Variants in STK32B observed in about 807,000 individuals in gnomAD.
The protein encoded by STK32B is serine/threonine kinase 32B.
In STK32B, 43 loss-of-function variants were observed where a neutral mutation model predicts 52.6. The observed-to-expected ratio is 0.82, with a 90% CI of 0.64 to 1.05. The LOEUF (loss-of-function observed/expected upper bound fraction) is 1.05, where lower values mean the gene tolerates loss of function less well. Among genes scored for constraint, STK32B ranks in the 50% least tolerant of loss-of-function variants. The pLI, the probability that STK32B is intolerant of heterozygous loss-of-function variation, is 0.00. For missense variants in STK32B, 621 were observed against 534.6 expected, an observed-to-expected ratio of 1.16 and a Z score of -1.59; for synonymous variants, 238 against 204.3, an observed-to-expected ratio of 1.17 and a Z score of -1.41.
chr4:5,498,062 A>AGG (rs1720441460), intron 11 of STK32B, among the ~76,000 whole-genome samples: 1 of 152,162 alleles, frequency 6.6e-6, no homozygotes, highest in South Asian at 2.1e-4. Context: ...GTTTTACATA[A>AGG]GAAAGCTGAG....
At chr4:5,199,143 A>G (rs1254312136) in intron 3 of STK32B, among the ~76,000 whole-genome samples, 1 of 152,136 alleles carries the variant, frequency 6.6e-6, no homozygotes, top group Non-Finnish European at 1.5e-5. Flanking sequence ...CAGATTGGTG[A>G]CCGAGGCTGC....
intron 11 of STK32B, among the ~76,000 whole-genome samples, chr4:5,480,430 A>G (rs772052580): frequency 1.3e-5 from 2 of 152,206 alleles, no homozygotes; most frequent in Non-Finnish European, 2.9e-5. Context: ...TCAGAAAGGC[A>G]GGACAACTCA....
At chr4:5,326,087 A>G (rs185450311) in intron 3 of STK32B, among the ~76,000 whole-genome samples, 8 of 152,292 alleles carry the variant, frequency 5.3e-5, no homozygotes, top group Non-Finnish European at 1.0e-4. Context: ...CCAGTATGCA[A>G]GTTTCCCTCT....
At position 5,288,224 on chromosome 4, in the gene STK32B, G is replaced by A. The variant is rs780433647; in HGVS notation, c.261-42996G>A. Among the ~76,000 whole-genome samples the A allele has an allele frequency of 5.3e-5, 8 of 152,120 alleles. No individual in the cohort carries two copies. In the South Asian group the frequency reaches 1.2e-3, roughly 24 times the overall value. ...ATATTTGGTCCAGGTTTTTGTGTGGGCATGTTTTTCACTTCTCTTAGGTAT... is the reference window on the plus strand; with the variant it reads ...ATATTTGGTCCAGGTTTTTGTGTGGACATGTTTTTCACTTCTCTTAGGTAT... On this transcript the variant is annotated intron_variant, in intron 3 of 11. Transcript: ENST00000282908.
intron 1 of STK32B, among the ~76,000 whole-genome samples, chr4:5,103,362 TTA>T (rs1268394415): frequency 6.6e-6 from 1 of 152,140 alleles, no homozygotes; most frequent in Non-Finnish European, 1.5e-5. Flanking sequence ...CTGCCTAATG[TTA>T]TATAACCCAG....
chr4:5,458,160 G>T (rs887318267), intron 8 of STK32B, among the ~76,000 whole-genome samples: 5 of 152,164 alleles, frequency 3.3e-5, no homozygotes, highest in African/African-American at 9.7e-5. Context: ...CCCACTGTCT[G>T]TGTCTCCATG....
At chr4:5,304,774 G>A (rs1027638739) in intron 3 of STK32B, among the ~76,000 whole-genome samples, 9 of 143,130 alleles carry the variant, frequency 6.3e-5, no homozygotes, top group Non-Finnish European at 1.0e-4. Flanking sequence ...TATCGGGGAG[G>A]GGGGGTGCTT....
chr4:5,156,116 A>T (rs1452441577), intron 2 of STK32B, among the ~76,000 whole-genome samples: 2 of 151,790 alleles, frequency 1.3e-5, no homozygotes, highest in African/African-American at 4.8e-5. Flanking sequence ...CACTCAATGT[A>T]TATGTATACA....
intron 3 of STK32B, among the ~76,000 whole-genome samples, chr4:5,261,166 A>G (rs7667036): frequency 0.19 from 28,937 of 152,012 alleles, 6,021 homozygotes; most frequent in African/African-American, 0.52. Context: ...GCACATCATG[A>G]CATCCTTCAC....
intron 4 of STK32B, among the ~76,000 whole-genome samples, chr4:5,375,779 C>A (rs535268732): frequency 2.0e-5 from 3 of 152,020 alleles, no homozygotes; most frequent in Non-Finnish European, 4.4e-5. Flanking sequence ...AAGAATGAGA[C>A]GGTAGAAAGT....
At chr4:5,436,927 C>T (rs1269264691) in intron 6 of STK32B, among the ~76,000 whole-genome samples, 1 of 152,170 alleles carries the variant, frequency 6.6e-6, no homozygotes, top group Admixed American at 6.5e-5. Flanking sequence ...CTGTTTCCAC[C>T]TCTGTTGCAA....
At chr4:5,184,684 C>CAAA (rs1553846538) in intron 3 of STK32B, among the ~76,000 whole-genome samples, 93 of 105,308 alleles carry the variant, frequency 8.8e-4, no homozygotes, top group Admixed American at 7.5e-4. Flanking sequence ...GAGACTGTCT[C>CAAA]AAAAAAAAAA....
At chr4:5,243,589 G>A (rs1047086208) in intron 3 of STK32B, among the ~76,000 whole-genome samples, 2 of 152,046 alleles carry the variant, frequency 1.3e-5, no homozygotes, top group Non-Finnish European at 2.9e-5. Flanking sequence ...CTGCCTGATT[G>A]CCCTGGCCAG....
chr4:5,022,129 C>G, the STK32B span, among the ~76,000 whole-genome samples: 5 of 152,208 alleles, frequency 3.3e-5, no homozygotes, highest in African/African-American at 1.2e-4. Flanking sequence ...CTTTCTGGCC[C>G]TCTCCAGGGT....
Position 5,126,003 on chromosome 4 carries a change from T to A in STK32B, c.53-13902T>A, listed in dbSNP as rs567341829. Among the ~76,000 whole-genome samples the A allele has an allele frequency of 7.3e-4, 111 of 152,248 alleles. 3 individuals carry two copies. In the South Asian group the frequency reaches 0.013, roughly 18 times the overall value. ...GTCCAGTTGCCCTGGCACCATTTGT[T>A]GAGAAGCCATCCTCCCTCCACTGAA... On this transcript the variant is annotated intron_variant, in intron 1 of 11. Coordinates refer to ENST00000282908, the MANE Select transcript of STK32B (RefSeq NM_018401.3).
At chr4:5,321,533 G>A (rs978837053) in intron 3 of STK32B, among the ~76,000 whole-genome samples, 2 of 152,152 alleles carry the variant, frequency 1.3e-5, no homozygotes, top group African/African-American at 4.8e-5. Context: ...CAGGCTCACT[G>A]TCTGTCCCCG....
chr4:5,166,516 G>A (rs889276511), intron 2 of STK32B, among the ~76,000 whole-genome samples: 2 of 148,450 alleles, frequency 1.3e-5, no homozygotes, highest in African/African-American at 2.5e-5. Flanking sequence ...TCTGACTGGT[G>A]TCCTTATAAG....
At chr4:5,281,978 T>C (rs1330006312) in intron 3 of STK32B, among the ~76,000 whole-genome samples, 1 of 152,222 alleles carries the variant, frequency 6.6e-6, no homozygotes, top group Non-Finnish European at 1.5e-5. Context: ...TTAATTTTTT[T>C]ATTAACAAGT....
intron 1 of STK32B, among the ~76,000 whole-genome samples, chr4:5,121,102 C>T (rs1715000366): frequency 6.6e-6 from 1 of 152,130 alleles, no homozygotes; most frequent in African/African-American, 2.4e-5. Context: ...CCAACCTCCT[C>T]AAAGTCCATT....
Sources: allele counts gnomAD v4.1 joint callset (sites outside exome capture counted in the v4.1 genomes callset), GRCh38; gene constraint gnomAD v4.1.1; transcripts MANE v1.5; gene names NCBI Gene and HGNC (gene_info 2026-07-23, HGNC 2026-07-21).